Variants in GRID2 observed in about 807,000 individuals in gnomAD.
GRID2 encodes the protein glutamate ionotropic receptor delta type subunit 2.
In GRID2, 33 loss-of-function variants were observed where a neutral mutation model predicts 114.8. The ratio of observed to expected loss-of-function variants is 0.29; its 90% CI spans 0.22 to 0.38. The LOEUF is 0.38. Ranked by LOEUF, GRID2 falls within the 10% of genes least tolerant of loss-of-function variation. The pLI is 1.00. For missense variants in GRID2, 1,184 were observed against 1,257.7 expected, an observed-to-expected ratio of 0.94 and a Z score of 0.89; for synonymous variants, 505 against 449.9, an observed-to-expected ratio of 1.12 and a Z score of -1.55.
At chr4:92,995,702 C>G (rs1021546703) in intron 2 of GRID2, among the ~76,000 whole-genome samples, 12 of 152,128 alleles carry the variant, frequency 7.9e-5, no homozygotes, top group Non-Finnish European at 1.3e-4. Flanking sequence ...GATATCATTT[C>G]ATGTCATCTG....
chr4:92,689,083 C>A (rs1208035188), intron 2 of GRID2, among the ~76,000 whole-genome samples: 1 of 152,132 alleles, frequency 6.6e-6, no homozygotes, highest in Non-Finnish European at 1.5e-5. Flanking sequence ...TGTATGAGCA[C>A]TACATCTCAA....
At chr4:92,942,855 C>T (rs946674772) in intron 2 of GRID2, among the ~76,000 whole-genome samples, 2 of 152,148 alleles carry the variant, frequency 1.3e-5, no homozygotes, top group Admixed American at 1.3e-4. Flanking sequence ...ATATGAAATT[C>T]TGGGTTGAAA....
In GRID2 at chr4:93,300,857, A is replaced by G. The variant is rs570306338; in HGVS notation, c.1245+62367A>G. Among the ~76,000 whole-genome samples, 148 of 152,350 alleles carry G rather than the reference A, an allele frequency of 9.7e-4. 2 individuals carry two copies. Among genetic ancestry groups the G allele is most frequent in the African/African-American group, 3.3e-3 (137 of 41,592 alleles). On this transcript the variant is annotated intron_variant, in intron 8 of 15. Coordinates refer to ENST00000282020, the MANE Select transcript of GRID2 (RefSeq NM_001510.4). The stretch of plus-strand genomic sequence containing the variant: ...TTGTGATTGATTTGAGCAAGCAGGC[A>G]GTACGTGACAGGGGCTGCATGCACC...
Position 92,666,650 on chromosome 4 carries a change from G to GTTTTTTTTTTTTTTTTT in GRID2, c.244+76368_244+76384dup, listed in dbSNP as rs70942922. Among the ~76,000 whole-genome samples the GTTTTTTTTTTTTTTTTT allele has an allele frequency of 1.4e-3, 95 of 68,560 alleles. 5 individuals are homozygous for GTTTTTTTTTTTTTTTTT. The highest frequency in any genetic ancestry group is 1.6e-3 in the Non-Finnish European group (57 of 35,722). 45.0% of individuals were successfully genotyped at this position (68,560 alleles called of 152,430 possible). On this transcript the variant is annotated intron_variant, in intron 2 of 15. Transcript: ENST00000282020. Reference sequence around the variant, plus strand: ...AGGCTGATGTGTAAACTTAAGGGTTGTTTTTTTTTTTTTTTTTTTTCAGAT... The same window carrying GTTTTTTTTTTTTTTTTT: ...AGGCTGATGTGTAAACTTAAGGGTTGTTTTTTTTTTTTTTTTTTTTTTTTTTTTTTTTTTTTTCAGAT...
chr4:93,280,554 C>T (rs1211859974), intron 8 of GRID2, among the ~76,000 whole-genome samples: 1 of 151,662 alleles, frequency 6.6e-6, no homozygotes, highest in African/African-American at 2.4e-5. Flanking sequence ...ATTTTCTGTA[C>T]TCTTTGGTTT....
chr4:93,512,823 A>T (rs1279663953), intron 12 of GRID2, among the ~76,000 whole-genome samples: 1 of 152,206 alleles, frequency 6.6e-6, no homozygotes, highest in Admixed American at 6.5e-5. Context: ...TTCAGGCTGT[A>T]AAGCTAATAT....
chr4:92,451,284 G>A (rs1485602758), intron 1 of GRID2, among the ~76,000 whole-genome samples: 1 of 152,028 alleles, frequency 6.6e-6, no homozygotes, highest in African/African-American at 2.4e-5. Context: ...ATGAAAGCCG[G>A]TAATTCTAAA....
intron 4 of GRID2, among the ~76,000 whole-genome samples, chr4:93,114,642 G>T (rs1733069268): frequency 6.6e-6 from 1 of 152,126 alleles, no homozygotes; most frequent in African/African-American, 2.4e-5. Flanking sequence ...TGACCTGCAA[G>T]ATGGTTCCTG....
intron 1 of GRID2, among the ~76,000 whole-genome samples, chr4:92,329,749 G>A (rs909801615): frequency 6.6e-6 from 1 of 151,872 alleles, no homozygotes; most frequent in Non-Finnish European, 1.5e-5. Context: ...AGGCAATAAA[G>A]GAATGATGAC....
At chr4:92,706,297 G>C (rs1232140955) in intron 2 of GRID2, among the ~76,000 whole-genome samples, 58 of 152,112 alleles carry the variant, frequency 3.8e-4, no homozygotes, top group Admixed American at 3.8e-3. Context: ...AAAAAAGATT[G>C]TCAACGGTTT....
chr4:92,807,366 T>C (rs1226011937), intron 2 of GRID2, among the ~76,000 whole-genome samples: 1 of 151,970 alleles, frequency 6.6e-6, no homozygotes, highest in Non-Finnish European at 1.5e-5. Flanking sequence ...TTGATTAAAG[T>C]TTGTACCTTT....
At chr4:92,990,795 G>A (rs1228828235) in intron 2 of GRID2, among the ~76,000 whole-genome samples, 3 of 151,970 alleles carry the variant, frequency 2.0e-5, no homozygotes, top group African/African-American at 7.3e-5. Context: ...CGGATTTGAT[G>A]GTGACTACTG....
chr4:93,704,858 G>A (rs1727851883), intron 14 of GRID2, among the ~76,000 whole-genome samples: 1 of 152,000 alleles, frequency 6.6e-6, no homozygotes, highest in African/African-American at 2.4e-5. Context: ...ATCTGTCGAC[G>A]GACACTTAGG....
chr4:93,221,436 G>A (rs1744863598), intron 6 of GRID2, among the ~76,000 whole-genome samples: 1 of 152,146 alleles, frequency 6.6e-6, no homozygotes, highest in African/African-American at 2.4e-5. Flanking sequence ...TGCCAGTAAG[G>A]TAGGGAGAAA....
chr4:93,192,979 AAAC>A (rs937728278), intron 4 of GRID2, among the ~76,000 whole-genome samples: 3 of 152,258 alleles, frequency 2.0e-5, no homozygotes, highest in Admixed American at 6.5e-5. Context: ...ATGAAAAGCA[AAAC>A]AACAACAAAA....
intron 5 of GRID2, among the ~76,000 whole-genome samples, chr4:93,209,312 A>G (rs568408324): frequency 6.6e-6 from 1 of 151,918 alleles, no homozygotes. Flanking sequence ...ATATGTTTTC[A>G]TCATTTAGCT....
chr4:92,365,328 G>A (rs942345811), intron 1 of GRID2, among the ~76,000 whole-genome samples: 3 of 152,014 alleles, frequency 2.0e-5, no homozygotes, highest in African/African-American at 7.2e-5. Context: ...TTTTATTTGG[G>A]ATGGCATGGA....
chr4:92,667,118 ATCT>A (rs1732829259), intron 2 of GRID2, among the ~76,000 whole-genome samples: 1 of 151,586 alleles, frequency 6.6e-6, no homozygotes, highest in South Asian at 2.1e-4. Flanking sequence ...ACTAACCAAA[ATCT>A]TCTTCAGTTT....
intron 2 of GRID2, among the ~76,000 whole-genome samples, chr4:92,770,918 A>G (rs775241152): frequency 2.4e-4 from 36 of 152,096 alleles, no homozygotes; most frequent in Non-Finnish European, 3.7e-4. Flanking sequence ...TTTCATTTTC[A>G]TAAGAATCTT....
Sources: gnomAD v4.1 joint callset for allele counts (sites outside exome capture counted in the v4.1 genomes callset) on GRCh38, gnomAD v4.1.1 for gene constraint, MANE v1.5 for transcripts, NCBI Gene and HGNC (gene_info 2026-07-23, HGNC 2026-07-21) for gene names.